RABGAP1L: variants seen among roughly 807,000 people sequenced by gnomAD.
RABGAP1L encodes the protein RAB GTPase activating protein 1 like.
Under a neutral mutation model 137.7 loss-of-function variants are expected in RABGAP1L, and 63 were observed. The ratio of observed to expected loss-of-function variants is 0.46; its 90% CI spans 0.37 to 0.56. The LOEUF is 0.56. RABGAP1L is among the 20% of genes least tolerant of loss of function. The pLI, the probability that RABGAP1L is intolerant of heterozygous loss-of-function variation, is 0.00. For missense variants in RABGAP1L, 1,095 were observed against 1,244.0 expected (o/e 0.88, Z 1.80); for synonymous variants, 431 against 433.7 (o/e 0.99, Z 0.08).
chr1:174,887,087 G>A (rs1270388596), intron 19 of RABGAP1L, among the ~76,000 whole-genome samples: 3 of 152,124 alleles, frequency 2.0e-5, no homozygotes, highest in Non-Finnish European at 4.4e-5. Flanking sequence ...TTATAGGCGC[G>A]AGCCACCACG....
chr1:174,468,537 T>A (rs938379775), intron 13 of RABGAP1L, among the ~76,000 whole-genome samples: 20 of 152,216 alleles, frequency 1.3e-4, no homozygotes, highest in Non-Finnish European at 1.2e-4. Flanking sequence ...ATGTTATTGA[T>A]AAGTAAAATT....
chr1:174,780,108 A>AATTAATT (rs1558070650), intron 18 of RABGAP1L, among the ~76,000 whole-genome samples: 1 of 83,148 alleles, frequency 1.2e-5, no homozygotes, highest in African/African-American at 3.0e-5. Context: ...ATAAATAAAT[A>AATTAATT]AATAAATAAA....
intron 17 of RABGAP1L, among the ~76,000 whole-genome samples, chr1:174,707,209 G>GGTTTT (rs1183206921): frequency 8.1e-6 from 1 of 123,708 alleles, no homozygotes; most frequent in African/African-American, 3.4e-5. Flanking sequence ...TCAAGGGCAA[G>GGTTTT]GTTTTGTTCT....
At chr1:174,870,174 C>T (rs1175017864) in intron 19 of RABGAP1L, among the ~76,000 whole-genome samples, 2 of 152,212 alleles carry the variant, frequency 1.3e-5, no homozygotes, top group African/African-American at 4.8e-5. Flanking sequence ...CTGATATTTG[C>T]AAATTACCAT....
At chr1:174,443,483 G>A (rs1372469830) in intron 13 of RABGAP1L, among the ~76,000 whole-genome samples, 1 of 152,038 alleles carries the variant, frequency 6.6e-6, no homozygotes, top group South Asian at 2.1e-4. Flanking sequence ...GGCAAAATGA[G>A]TAATTTTTCA....
intron 17 of RABGAP1L, among the ~76,000 whole-genome samples, chr1:174,729,983 G>C (rs1049331183): frequency 1.3e-5 from 2 of 151,990 alleles, no homozygotes; most frequent in African/African-American, 4.8e-5. Flanking sequence ...ATATTTAAAA[G>C]AAAACAAATA....
At chr1:174,170,287 G>A (rs1326420348) in intron 1 of RABGAP1L, among the ~76,000 whole-genome samples, 2 of 151,994 alleles carry the variant, frequency 1.3e-5, no homozygotes, top group Admixed American at 6.6e-5. Context: ...ACATTATCTC[G>A]CTAATCTTCA....
At chr1:174,401,332 G>A (rs1401952897) in intron 13 of RABGAP1L, among the ~76,000 whole-genome samples, 1 of 152,126 alleles carries the variant, frequency 6.6e-6, no homozygotes, top group Non-Finnish European at 1.5e-5. Context: ...ATAATAATAT[G>A]TATCTTACAG....
intron 18 of RABGAP1L, among the ~76,000 whole-genome samples, chr1:174,758,561 T>C (rs932528795): frequency 3.3e-5 from 5 of 152,214 alleles, no homozygotes; most frequent in African/African-American, 1.2e-4. Flanking sequence ...TTTCCATTCC[T>C]GAGTTACTTC....
At chr1:174,869,320 G>A (rs540012279) in intron 19 of RABGAP1L, among the ~76,000 whole-genome samples, 1 of 149,490 alleles carries the variant, frequency 6.7e-6, no homozygotes, top group East Asian at 1.9e-4. Context: ...AGTGGATCAT[G>A]GGAGGTGAGT....
chr1:174,195,426 G>A (rs891600916), intron 1 of RABGAP1L, among the ~76,000 whole-genome samples: 11 of 151,846 alleles, frequency 7.2e-5, no homozygotes, highest in Non-Finnish European at 1.0e-4. Context: ...TACATGTTCC[G>A]ATTCAGATTT....
intron 13 of RABGAP1L, among the ~76,000 whole-genome samples, chr1:174,523,344 CT>C (rs967536089): frequency 1.3e-5 from 2 of 151,108 alleles, no homozygotes; most frequent in Non-Finnish European, 3.0e-5. Flanking sequence ...CAGCATTTGA[CT>C]TTTTTTTAGA....
At chr1:174,289,515 G>C (rs1402464057) in intron 10 of RABGAP1L, among the ~76,000 whole-genome samples, 4 of 152,126 alleles carry the variant, frequency 2.6e-5, no homozygotes, top group Non-Finnish European at 5.9e-5. Flanking sequence ...AGCTTTATTA[G>C]TTTCCATTAG....
chr1:174,629,559 G>A (rs1291483135), intron 13 of RABGAP1L, among the ~76,000 whole-genome samples: 2 of 152,038 alleles, frequency 1.3e-5, no homozygotes, highest in African/African-American at 4.8e-5. Context: ...TTTTGAGACG[G>A]AGTCTCGCTC....
rs184437511 is a variant in RABGAP1L, at chr1:174,859,505, A to G, written c.2340+47545A>G. Among the ~76,000 whole-genome samples, 43 of 152,040 alleles carry G rather than the reference A, an allele frequency of 2.8e-4. No homozygotes were observed. In the East Asian group the frequency reaches 8.3e-3, roughly 29 times the overall value. ...CTCAAAAAAAAAGAAAATGTGGTAC[A>G]TATATACCATGGAATGCTATACAGC... On this transcript the variant is annotated intron_variant, in intron 19 of 25. Coordinates refer to ENST00000681986, the MANE Select transcript of RABGAP1L (RefSeq NM_001366446.1).
intron 20 of RABGAP1L, among the ~76,000 whole-genome samples, chr1:174,969,008 A>G (rs1351191587): frequency 6.6e-6 from 1 of 152,118 alleles, no homozygotes; most frequent in Non-Finnish European, 1.5e-5. Flanking sequence ...TATGCTCAGA[A>G]AGTTTGTTCT....
chr1:174,917,963 T>C (rs1035544593), intron 19 of RABGAP1L, among the ~76,000 whole-genome samples: 5 of 145,484 alleles, frequency 3.4e-5, no homozygotes, highest in African/African-American at 5.1e-5. Context: ...CCAAAAAACA[T>C]GTATACGTGT....
intron 13 of RABGAP1L, among the ~76,000 whole-genome samples, chr1:174,524,284 T>G (rs1376399863): frequency 2.0e-5 from 3 of 152,054 alleles, no homozygotes; most frequent in Non-Finnish European, 1.5e-5. Flanking sequence ...GTATAAGAGT[T>G]TCCTTTTCTC....
In RABGAP1L at chr1:174,848,578, T is replaced by G. The variant is rs1185104647; in HGVS notation, c.2340+36618T>G. Among the ~76,000 whole-genome samples the G allele has an allele frequency of 1.4e-5, 2 of 147,948 alleles. 1 individual carries two copies. The highest frequency in any genetic ancestry group is 5.0e-5 in the African/African-American group (2 of 39,648). ...CAGGGACCCACTTGAGGAGGCAGTC[T>G]GCCCGTTCTCAGATCTCCAGCTGCT... On this transcript the variant is annotated intron_variant, in intron 19 of 25. Transcript: ENST00000681986.
Sources: gnomAD v4.1 joint callset for allele counts (sites outside exome capture counted in the v4.1 genomes callset) on GRCh38, gnomAD v4.1.1 for gene constraint, MANE v1.5 for transcripts, NCBI Gene and HGNC (gene_info 2026-07-23, HGNC 2026-07-21) for gene names.